The following RIMKLA variants were observed in gnomAD, a reference collection of about 807,000 sequenced individuals.
RIMKLA encodes ribosomal modification protein rimK like family member A.
RIMKLA carries 14 observed loss-of-function variants against 32.7 expected under a neutral mutation model. The ratio of observed to expected loss-of-function variants is 0.43; its 90% CI spans 0.28 to 0.67. The LOEUF (loss-of-function observed/expected upper bound fraction) is 0.67, where lower values mean the gene tolerates loss of function less well. RIMKLA is among the 30% of genes least tolerant of loss of function. RIMKLA has a pLI of 0.18. For synonymous variants in RIMKLA, 176 were observed against 204.1 expected, an observed-to-expected ratio of 0.86 and a Z score of 1.18; for missense variants, 410 against 519.0, an observed-to-expected ratio of 0.79 and a Z score of 2.04.
intron 1 of RIMKLA, among the ~76,000 whole-genome samples, chr1:42,386,273 C>T (rs1386336458): frequency 2.0e-5 from 3 of 151,796 alleles, no homozygotes; most frequent in Admixed American, 6.6e-5. Context: ...AACACTTCCA[C>T]CAAATTTGTT....
intron 4 of RIMKLA, among the ~76,000 whole-genome samples, chr1:42,413,083 G>A (rs1051939297): frequency 1.3e-5 from 2 of 151,588 alleles, no homozygotes; most frequent in Non-Finnish European, 2.9e-5. Flanking sequence ...GCAGTGAGCC[G>A]AGATCGTGCC....
At chr1:42,410,317 T>C (rs1407925626) in intron 4 of RIMKLA, 130 bp downstream of exon 4, 4 of 754,842 alleles carry the variant, frequency 5.3e-6, no homozygotes, top group Non-Finnish European at 8.6e-6. Context: ...AGGAACAAAC[T>C]CTTTCCTATG....
At chr1:42,393,592 G>A (rs1004599761) in intron 1 of RIMKLA, among the ~76,000 whole-genome samples, 1 of 151,774 alleles carries the variant, frequency 6.6e-6, no homozygotes, top group Non-Finnish European at 1.5e-5. Flanking sequence ...ACTTTAAAAG[G>A]GAAGGAGAGG....
rs918524901 is a variant in RIMKLA at position 42,422,283 on chromosome 1, T to C, written c.*7309T>C. On this transcript the variant is annotated 3_prime_UTR_variant, in exon 5 of 5. Transcript: ENST00000431473. ...TGTCTAACTTCTGTGATTTCAACAC[T>C]TGAGAAAGATGTTTACTTTGCTACT... 1.3e-5 allele frequency: 2 copies of C among 152,256 alleles called. No individual in the cohort carries two copies. The highest frequency in any genetic ancestry group is 4.8e-5 in the African/African-American group (2 of 41,476). 9.4% of individuals were successfully genotyped at this position (152,256 alleles called of 1,614,324 possible). A position where few individuals can be genotyped will look rare whatever the true frequency, so the allele number is the denominator to read the frequency against.
chr1:42,386,189 C>T (rs1209836138), intron 1 of RIMKLA, among the ~76,000 whole-genome samples: 2 of 152,050 alleles, frequency 1.3e-5, no homozygotes, highest in Non-Finnish European at 2.9e-5. Flanking sequence ...TCCAAAAATG[C>T]TGGTATTACG....
Position 42,419,095 on chromosome 1 carries a change from T to A in RIMKLA, c.*4121T>A, listed in dbSNP as rs1643274845. The A allele has an allele frequency of 6.6e-6, 1 of 152,226 alleles. No homozygotes were observed. Among genetic ancestry groups the A allele is most frequent in the African/African-American group, 2.4e-5 (1 of 41,456 alleles). The allele number at this position is 152,226 out of a possible 1,614,324, so 9.4% of individuals were successfully genotyped here. ...ATCAGGACAGATTGTTACTTTAAAA[T>A]GTTACCTGGAAGACGATTCTTCTAA... On this transcript the variant is annotated 3_prime_UTR_variant, in exon 5 of 5. Transcript: ENST00000431473.
chr1:42,391,922 A>G (rs1643003145), intron 1 of RIMKLA, among the ~76,000 whole-genome samples: 2 of 152,160 alleles, frequency 1.3e-5, no homozygotes, highest in African/African-American at 4.8e-5. Flanking sequence ...AAATGAGAGC[A>G]GCTAAATAAA....
chr1:42,381,021 C>T lies in RIMKLA; in HGVS notation c.87C>T (p.Arg29=), dbSNP rs1198593744. 2 of 1,399,484 alleles carry T rather than the reference C, an allele frequency of 1.4e-6. No individual in the cohort carries two copies. The highest frequency in any genetic ancestry group is 1.9e-6 in the Non-Finnish European group (2 of 1,076,938). 86.7% of individuals were successfully genotyped at this position (1,399,484 alleles called of 1,614,324 possible). A position where few individuals can be genotyped will look rare whatever the true frequency, so the allele number is the denominator to read the frequency against. ...QVQILRALRQ[R]CSEQDVRFRA... is the part of the protein sequence containing the mutation. ...AGATCCTGCGCGCCCTCCGGCAGCG[C>T]TGCTCCGAGCAGGACGTGCGCTTCC... Residue 29 remains arginine (R), a synonymous_variant, in exon 1 of 5, where the codon CGC becomes CGT. Transcript: ENST00000431473.
chr1:42,390,761 A>T (rs12567276), intron 1 of RIMKLA, among the ~76,000 whole-genome samples: 22,929 of 152,236 alleles, frequency 0.15, 1,830 homozygotes, highest in East Asian at 0.23. Flanking sequence ...AATGATTGCC[A>T]GACATTAAGG....
At chr1:42,406,641 G>C (rs966205008) in intron 3 of RIMKLA, among the ~76,000 whole-genome samples, 1 of 151,964 alleles carries the variant, frequency 6.6e-6, no homozygotes, top group Non-Finnish European at 1.5e-5. Flanking sequence ...AATGTTTGAG[G>C]GTTCCAATTT....
At chr1:42,400,444 T>C (rs1481645505) in intron 2 of RIMKLA, among the ~76,000 whole-genome samples, 1 of 152,172 alleles carries the variant, frequency 6.6e-6, no homozygotes, top group African/African-American at 2.4e-5. Flanking sequence ...TTTAAAATAA[T>C]CCAAGTGAGC....
At chr1:42,410,270 C>T (rs1643186041) in intron 4 of RIMKLA, 83 bp downstream of exon 4, 2 of 1,133,442 alleles carry the variant, frequency 1.8e-6, no homozygotes, top group Non-Finnish European at 2.6e-6. Context: ...TCTTGTCAGA[C>T]CCTCTGCTAG....
At chr1:42,409,201 C>CAAAAAAAAAAAA (rs59543497) in intron 3 of RIMKLA, among the ~76,000 whole-genome samples, 5 of 64,496 alleles carry the variant, frequency 7.8e-5, no homozygotes, top group African/African-American at 3.4e-4. Context: ...GACTCTGTCT[C>CAAAAAAAAAAAA]AAAAAAAAAA....
At chr1:42,397,834 A>G (rs1643061151) in intron 1 of RIMKLA, among the ~76,000 whole-genome samples, 1 of 152,152 alleles carries the variant, frequency 6.6e-6, no homozygotes, top group African/African-American at 2.4e-5. Context: ...TCATTGCCCT[A>G]CTCATGCCAT....
Position 42,415,060 on chromosome 1 carries a change from C to A in RIMKLA, c.*86C>A. The A allele has an allele frequency of 7.3e-7, 1 of 1,378,098 alleles. No individual in the cohort carries two copies. The highest frequency in any genetic ancestry group is 9.8e-7 in the Non-Finnish European group (1 of 1,021,586). The allele number at this position is 1,378,098 out of a possible 1,614,324, so 85.4% of individuals were successfully genotyped here. A position where few individuals can be genotyped will look rare whatever the true frequency, so the allele number is the denominator to read the frequency against. On this transcript the variant is annotated 3_prime_UTR_variant, in exon 5 of 5. Coordinates refer to ENST00000431473, the MANE Select transcript of RIMKLA (RefSeq NM_173642.4). The stretch of plus-strand genomic sequence containing the variant: ...AATAAAATCTGGACTAATGTGATTT[C>A]ATTTGCACAGAAACTAGAAATCCCA...
At chr1:42,391,510 C>T (rs949139849) in intron 1 of RIMKLA, among the ~76,000 whole-genome samples, 5 of 151,862 alleles carry the variant, frequency 3.3e-5, no homozygotes, top group African/African-American at 4.8e-5. Context: ...GTTGGGGAAG[C>T]GGTGTCATTG....
intron 2 of RIMKLA, among the ~76,000 whole-genome samples, chr1:42,401,521 A>G (rs2148390645): frequency 6.6e-6 from 1 of 152,106 alleles, no homozygotes; most frequent in African/African-American, 2.4e-5. Flanking sequence ...GAGATCAGAG[A>G]AGCCAACGGA....
intron 1 of RIMKLA, among the ~76,000 whole-genome samples, chr1:42,382,555 G>A (rs940045012): frequency 2.0e-5 from 3 of 152,126 alleles, no homozygotes; most frequent in African/African-American, 4.8e-5. Flanking sequence ...TAGTTAACAT[G>A]TACATCTTTC....
At chr1:42,408,252 ACT>A (rs1643164541) in intron 3 of RIMKLA, among the ~76,000 whole-genome samples, 2 of 150,790 alleles carry the variant, frequency 1.3e-5, no homozygotes, top group East Asian at 1.9e-4. Flanking sequence ...TTACCTGCAC[ACT>A]CTCCTGTCAC....
Sources: allele counts gnomAD v4.1 joint callset (sites outside exome capture counted in the v4.1 genomes callset), GRCh38; gene constraint gnomAD v4.1.1; transcripts MANE v1.5; gene names NCBI Gene and HGNC (gene_info 2026-07-23, HGNC 2026-07-21).